The following USH2A variants were observed in gnomAD, a reference collection of about 807,000 sequenced individuals.
USH2A encodes usherin, also known as Usher syndrome 2A (autosomal recessive, mild).
Under a neutral mutation model 538.9 loss-of-function variants are expected in USH2A, and 443 were observed. That is an observed-to-expected ratio of 0.82 (90% CI 0.76 to 0.89). USH2A has a LOEUF of 0.89. USH2A is among the 40% of genes least tolerant of loss of function. The probability of loss-of-function intolerance (pLI) is 0.00; values close to 1 mark genes in which losing one functional copy is unlikely to be tolerated. For missense variants in USH2A, 6,633 were observed against 6,324.8 expected, an observed-to-expected ratio of 1.05 and a Z score of -1.65; for synonymous variants, 2,413 against 2,273.5, an observed-to-expected ratio of 1.06 and a Z score of -1.75.
intron 49 of USH2A, among the ~76,000 whole-genome samples, chr1:215,809,746 T>C (rs1662610958): frequency 6.6e-6 from 1 of 152,144 alleles, no homozygotes; most frequent in Non-Finnish European, 1.5e-5. Flanking sequence ...CTTCTGCTGT[T>C]TGTTATGGGG....
intron 3 of USH2A, among the ~76,000 whole-genome samples, chr1:216,404,743 C>G (rs1381466268): frequency 1.3e-5 from 2 of 151,196 alleles, no homozygotes; most frequent in East Asian, 3.9e-4. Context: ...TTCCTCAGCT[C>G]CTGAGCAGTT....
chr1:215,854,600 C>G (rs1420552776), intron 44 of USH2A, among the ~76,000 whole-genome samples: 10 of 152,190 alleles, frequency 6.6e-5, no homozygotes, highest in Non-Finnish European at 1.3e-4. Flanking sequence ...GAGAATAGCT[C>G]TCTCTTCTGC....
Position 216,199,630 on chromosome 1 carries a change from T to C in USH2A, c.3808A>G (p.Asn1270Asp). 2 of 1,614,014 alleles carry C rather than the reference T, an allele frequency of 1.2e-6. No homozygotes were observed. Among genetic ancestry groups the C allele is most frequent in the Non-Finnish European group, 1.7e-6 (2 of 1,179,988 alleles). Residue 1270 changes from asparagine (N) to aspartate (D), a missense_variant, in exon 17 of 72, where the codon AAT becomes GAT. Asn to Asp is a conservative substitution (Grantham distance 23). Transcript: ENST00000307340. ...HVEWSPPAEL[N>D]GIIIRYELYM... ...AATCTCAGCCTTGGATTCTTACCAT[T>C]TAGTTCCGCTGGTGGAGACCATTCT...
intron 5 of USH2A, among the ~76,000 whole-genome samples, chr1:216,326,490 G>T (rs1251683264): frequency 6.6e-6 from 1 of 152,088 alleles, no homozygotes; most frequent in East Asian, 1.9e-4. Context: ...GGGACCAAAA[G>T]CTACCAGTAT....
Position 215,680,217 on chromosome 1 carries a change from G to T in USH2A, c.12226C>A (p.Gln4076Lys). The T allele has an allele frequency of 6.2e-7, 1 of 1,614,102 alleles. No homozygotes were observed. Among genetic ancestry groups the T allele is most frequent in the Non-Finnish European group, 8.5e-7 (1 of 1,180,006 alleles). Residue 4076 changes from glutamine (Q) to lysine (K), a missense_variant, in exon 62 of 72, where the codon CAG becomes AAG. Coordinates refer to ENST00000307340, the MANE Select transcript of USH2A (RefSeq NM_206933.4). The part of the protein sequence containing the change: ...PSGLRNFIVE[Q>K]KENGRALLLQ... ...AGCAATGCCCGGCCATTCTCTTTCTGTTCTACTATAAAGTTTCTCAGTCCA... is the reference window on the plus strand; with the variant it reads ...AGCAATGCCCGGCCATTCTCTTTCTTTTCTACTATAAAGTTTCTCAGTCCA...
intron 35 of USH2A, among the ~76,000 whole-genome samples, chr1:215,976,772 C>T (rs574878): frequency 0.41 from 61,770 of 151,824 alleles, 12,754 homozygotes; most frequent in Non-Finnish European, 0.45. Context: ...TTGTTGAGGA[C>T]TTTTGTGTCT....
At chr1:215,963,418 C>T (rs976649855) in intron 37 of USH2A, among the ~76,000 whole-genome samples, 1 of 152,072 alleles carries the variant, frequency 6.6e-6, no homozygotes, top group African/African-American at 2.4e-5. Flanking sequence ...AACCTCACCC[C>T]TTTCCAACCC....
Position 216,289,259 on chromosome 1 carries a change from T to G in USH2A, c.1971+21A>C, listed in dbSNP as rs763743610. On this transcript the variant is annotated intron_variant, in intron 11 of 71. Coordinates refer to ENST00000307340, the MANE Select transcript of USH2A (RefSeq NM_206933.4). The stretch of plus-strand genomic sequence containing the variant: ...TGGCAGACAGAGTAATCCTTTACCT[T>G]AAATACTCAGAAAAACTCACCTGAT... 50 of 1,613,504 alleles carry G rather than the reference T, an allele frequency of 3.1e-5. 1 individual carries two copies. The highest frequency in any genetic ancestry group is 2.0e-4 in the South Asian group (18 of 91,078).
chr1:215,680,340 G>A lies in USH2A; in HGVS notation c.12103C>T (p.Pro4035Ser). The A allele has an allele frequency of 6.2e-7, 1 of 1,613,944 alleles. No homozygotes were observed. Among genetic ancestry groups the A allele is most frequent in the South Asian group, 1.1e-5 (1 of 91,064 alleles). ...ACACCAATGCGATATGTTGTGAATG[G>A]TTCTAACCCGTACAGGTGGGCTTGA... ...SHQAHLYGLE[P>S]FTTYRIGVVA... is the part of the protein sequence containing the mutation. The change falls in exon 62 of 72, where the codon CCA becomes TCA. Residue 4035 changes from proline to serine, a missense_variant. Transcript: ENST00000307340.
intron 41 of USH2A, among the ~76,000 whole-genome samples, chr1:215,882,140 C>G (rs1328272579): frequency 6.6e-6 from 1 of 152,140 alleles, no homozygotes; most frequent in Non-Finnish European, 1.5e-5. Context: ...TAAGAATGGA[C>G]TAAGAGATGA....
chr1:215,938,608 G>A (rs1196432265), intron 37 of USH2A, among the ~76,000 whole-genome samples: 1 of 152,100 alleles, frequency 6.6e-6, no homozygotes, highest in Non-Finnish European at 1.5e-5. Flanking sequence ...TTCCTGTCTG[G>A]TTGGCCCTCC....
intron 64 of USH2A, among the ~76,000 whole-genome samples, chr1:215,668,677 T>A (rs1657707406): frequency 6.6e-6 from 1 of 152,216 alleles, no homozygotes; most frequent in South Asian, 2.1e-4. Context: ...TCATCCTTAG[T>A]GCCTGATGAA....
intron 21 of USH2A, among the ~76,000 whole-genome samples, chr1:216,134,595 A>G (rs1056989024): frequency 1.3e-5 from 2 of 152,136 alleles, no homozygotes; most frequent in Non-Finnish European, 2.9e-5. Context: ...CTTAAAGTCC[A>G]TCCCTGAAGG....
chr1:216,233,891 T>C (rs2035753359), intron 13 of USH2A, among the ~76,000 whole-genome samples: 1 of 152,064 alleles, frequency 6.6e-6, no homozygotes, highest in Non-Finnish European at 1.5e-5. Flanking sequence ...CATATACATA[T>C]ACACACATGC....
At chr1:216,060,637 T>C (rs10864230) in intron 30 of USH2A, among the ~76,000 whole-genome samples, 100,559 of 152,070 alleles carry the variant, frequency 0.66, 34,484 homozygotes, top group African/African-American at 0.85. Context: ...CCCTAGACTT[T>C]AGCTCAATGT....
chr1:215,805,094 T>G (rs141708570), intron 49 of USH2A, among the ~76,000 whole-genome samples: 5,456 of 148,172 alleles, frequency 0.037, 174 homozygotes, highest in East Asian at 0.15. Flanking sequence ...TGAGAACACA[T>G]GGACACAGGA....
At chr1:215,638,610 C>T (rs1046546728) in intron 69 of USH2A, among the ~76,000 whole-genome samples, 63 of 126,108 alleles carry the variant, frequency 5.0e-4, no homozygotes, top group Non-Finnish European at 8.1e-4. Context: ...CAGAGTAAGA[C>T]TCTGTCTCAA....
intron 50 of USH2A, among the ~76,000 whole-genome samples, chr1:215,792,745 C>G (rs1662015933): frequency 6.6e-6 from 1 of 152,196 alleles, no homozygotes; most frequent in African/African-American, 2.4e-5. Context: ...ATTGCAATAA[C>G]TTTCGACCCC....
intron 61 of USH2A, among the ~76,000 whole-genome samples, chr1:215,684,275 T>C (rs752230904): frequency 3.9e-5 from 6 of 152,092 alleles, no homozygotes; most frequent in Non-Finnish European, 8.8e-5. Context: ...CTACTTGGAG[T>C]CTTCAGCAGT....
Sources: gnomAD v4.1 joint callset for allele counts (sites outside exome capture counted in the v4.1 genomes callset) on GRCh38, gnomAD v4.1.1 for gene constraint, MANE v1.5 for transcripts, NCBI Gene and HGNC (gene_info 2026-07-23, HGNC 2026-07-21) for gene names.